PDIA4: variants seen among roughly 807,000 people sequenced by gnomAD.
PDIA4 encodes the protein protein disulfide isomerase family A member 4, also known as protein disulfide-isomerase A4.
A neutral mutation model predicts 62.1 loss-of-function variants in PDIA4; 33 were observed. The ratio of observed to expected loss-of-function variants is 0.53; its 90% CI spans 0.40 to 0.71. PDIA4 has a LOEUF of 0.71. PDIA4 is among the 30% of genes least tolerant of loss of function. PDIA4 has a pLI of 0.00. For missense variants in PDIA4, 804 were observed against 813.6 expected, an observed-to-expected ratio of 0.99 and a Z score of 0.14; for synonymous variants, 341 against 324.1, an observed-to-expected ratio of 1.05 and a Z score of -0.56.
At chr7:149,013,866 G>A (rs574430582) in intron 4 of PDIA4, among the ~76,000 whole-genome samples, 1 of 152,246 alleles carries the variant, frequency 6.6e-6, no homozygotes, top group East Asian at 1.9e-4. Flanking sequence ...CCTGGCTCCT[G>A]AGCGAGCCAC....
At chr7:149,017,977 C>T (rs977322410) in intron 3 of PDIA4, among the ~76,000 whole-genome samples, 1 of 152,168 alleles carries the variant, frequency 6.6e-6, no homozygotes, top group Non-Finnish European at 1.5e-5. Context: ...CGCCTGTAAT[C>T]CCAGCACTTT....
chr7:149,019,925 CTT>C (rs1232988664), intron 2 of PDIA4, among the ~76,000 whole-genome samples: 1 of 152,126 alleles, frequency 6.6e-6, no homozygotes, highest in Non-Finnish European at 1.5e-5. Context: ...GTTAAGGTCT[CTT>C]TGAACTAAAA....
At chr7:149,006,965 A>C (rs1823779291) in intron 7 of PDIA4, among the ~76,000 whole-genome samples, 1 of 152,188 alleles carries the variant, frequency 6.6e-6, no homozygotes, top group Non-Finnish European at 1.5e-5. Context: ...CCTTTCCTGG[A>C]ATATGCACTC....
At chr7:149,028,282 C>A (rs1489717004) in intron 1 of PDIA4, 39 bp downstream of exon 1, 1 of 1,452,788 alleles carries the variant, frequency 6.9e-7, no homozygotes, top group South Asian at 1.2e-5. Context: ...CTGCAGCCCC[C>A]GCAAGCACAG....
In PDIA4 at chr7:149,008,192, C is replaced by A. The variant is rs753141489; in HGVS notation, c.1098G>T (p.Lys366Asn). 1 of 1,614,078 alleles carries A rather than the reference C, an allele frequency of 6.2e-7. No homozygotes were observed. The highest frequency in any genetic ancestry group is 1.1e-5 in the South Asian group (1 of 91,058). The change falls in exon 7 of 10, where the codon AAG (lysine) becomes AAT (asparagine). Residue 366 changes from lysine (K) to asparagine (N), a missense_variant. Coordinates refer to ENST00000652332, the MANE Select transcript of PDIA4 (RefSeq NM_004911.5). The stretch of plus-strand genomic sequence containing the variant: ...CCATCATGTGGCTCCGGGGCTCATA[C>A]TTGGACTGGAATTTCTCAGGCTGCA... ...VVMQPEKFQSKYEPRSHMMDV... is the reference protein window; with the variant it reads ...VVMQPEKFQSNYEPRSHMMDV...
chr7:149,027,894 G>T, intron 1 of PDIA4: 1 of 481,310 alleles, frequency 2.1e-6, no homozygotes, highest in Non-Finnish European at 4.3e-6. Context: ...ACTCGCACTT[G>T]TTTCTTCACG....
At chr7:149,018,723 T>TG (rs1458016144) in intron 3 of PDIA4, among the ~76,000 whole-genome samples, 2 of 152,036 alleles carry the variant, frequency 1.3e-5, no homozygotes, top group African/African-American at 4.8e-5. Flanking sequence ...TGAGCCACCA[T>TG]GTCTGGCCCA....
rs560978216 is a variant in PDIA4, at chr7:149,014,829, C to T, written c.614+75G>A. Reference sequence around the variant, plus strand: ...TTGCTCCTCTGCTGTTCCTGCCTCACGGGCAGGGGCCTGCCACCCCGCACC... The same window carrying T: ...TTGCTCCTCTGCTGTTCCTGCCTCATGGGCAGGGGCCTGCCACCCCGCACC... On this transcript the variant is annotated intron_variant, in intron 4 of 9. Coordinates refer to ENST00000652332, the MANE Select transcript of PDIA4 (RefSeq NM_004911.5). 7.8e-5 allele frequency: 111 copies of T among 1,430,058 alleles called. No homozygotes were observed. The South Asian group carries it at 1.2e-3, about 15-fold the overall frequency. 88.6% of individuals were successfully genotyped at this position (1,430,058 alleles called of 1,614,324 possible).
rs543909605 is a variant in PDIA4, at chr7:149,027,317, G to T, written c.88+1004C>A. On this transcript the variant is annotated intron_variant, in intron 1 of 9. Transcript: ENST00000652332. ...GCAGGTGTTTTTCTCGCCGAGTGTGGGTTTTTACTTCCTTTTCTATTTGGG... is the reference window on the plus strand; with the variant it reads ...GCAGGTGTTTTTCTCGCCGAGTGTGTGTTTTTACTTCCTTTTCTATTTGGG... Among the ~76,000 whole-genome samples, 3 of 152,222 alleles carry T rather than the reference G, an allele frequency of 2.0e-5. No individual in the cohort carries two copies. In the East Asian group the frequency reaches 5.8e-4, roughly 29 times the overall value.
chr7:149,012,356 C>T lies in PDIA4; in HGVS notation c.619G>A (p.Gly207Arg). The T allele has an allele frequency of 6.2e-7, 1 of 1,612,564 alleles. No individual in the cohort carries two copies. The highest frequency in any genetic ancestry group is 2.2e-5 in the East Asian group (1 of 44,872). Residue 207 changes from glycine (G) to arginine (R), a missense_variant, in exon 5 of 10, where the codon GGA (glycine) becomes AGA (arginine). Coordinates refer to ENST00000652332, the MANE Select transcript of PDIA4 (RefSeq NM_004911.5). ...TCGGGGGCAAGTTTCTTGCAGTGTC[C>T]ACACCTGCCAAGAGGAAACTGGTTT... ...ILVEFYAPWC[G>R]HCKKLAPEYE...
chr7:149,024,033 G>A (rs541725165), intron 1 of PDIA4, among the ~76,000 whole-genome samples: 1 of 152,302 alleles, frequency 6.6e-6, no homozygotes, highest in East Asian at 1.9e-4. Flanking sequence ...GATCATCTGA[G>A]GTCAGGAGTT....
At chr7:149,012,393 A>C in intron 4 of PDIA4, 33 bp from the exon 5 acceptor site, 3 of 1,572,298 alleles carry the variant, frequency 1.9e-6, no homozygotes, top group Non-Finnish European at 2.6e-6. Context: ...TCAGGGGCTC[A>C]TTCTAGTGTG....
intron 6 of PDIA4, 114 bp from the exon 7 acceptor site, chr7:149,008,424 G>A: frequency 1.9e-6 from 2 of 1,077,574 alleles, no homozygotes. Context: ...CTGTAGGCTG[G>A]GCGCGGTGGC....
intron 2 of PDIA4, among the ~76,000 whole-genome samples, chr7:149,019,436 A>G (rs1364079014): frequency 2.6e-5 from 4 of 152,192 alleles, no homozygotes; most frequent in South Asian, 2.1e-4. Flanking sequence ...AGAGCTTGAC[A>G]TGGCCGGGTG....
rs184146321 is a variant in PDIA4, at chr7:149,008,995, G to A, written c.980-685C>T. Among the ~76,000 whole-genome samples the A allele has an allele frequency of 5.2e-4, 79 of 151,938 alleles. 1 individual carries two copies. Among genetic ancestry groups the A allele is most frequent in the Middle Eastern group, 3.4e-3 (1 of 294 alleles). ...GGCTGGAGTGAAGTGGCGTGATTTCGGCTCACTGCAGTCTCTGTTTTCCAA... is the reference window on the plus strand; with the variant it reads ...GGCTGGAGTGAAGTGGCGTGATTTCAGCTCACTGCAGTCTCTGTTTTCCAA... On this transcript the variant is annotated intron_variant, in intron 6 of 9. Coordinates refer to ENST00000652332, the MANE Select transcript of PDIA4 (RefSeq NM_004911.5).
At chr7:149,013,163 G>T (rs1279531475) in intron 4 of PDIA4, among the ~76,000 whole-genome samples, 1 of 152,110 alleles carries the variant, frequency 6.6e-6, no homozygotes, top group Non-Finnish European at 1.5e-5. Context: ...CAGGAGTATC[G>T]CTTGAACCCA....
Position 149,005,180 on chromosome 7 carries a change from A to T in PDIA4, c.1483T>A (p.Ser495Thr). ...GTGACAAACTCGCGGAGGGTGTCAG[A>T]GTCAAACTCCTCTGGCTCCATGGCG... Reference protein sequence around the residue: ...KFAMEPEEFDSDTLREFVTAF... With the variant: ...KFAMEPEEFDTDTLREFVTAF... The change falls in exon 9 of 10, where the codon TCT becomes ACT. Residue 495 changes from serine to threonine, a missense_variant. Coordinates refer to ENST00000652332, the MANE Select transcript of PDIA4 (RefSeq NM_004911.5). 1 of 1,614,054 alleles carries T rather than the reference A, an allele frequency of 6.2e-7. No homozygotes were observed. The highest frequency in any genetic ancestry group is 8.5e-7 in the Non-Finnish European group (1 of 1,179,936).
chr7:149,026,561 G>A (rs1366882231), intron 1 of PDIA4, among the ~76,000 whole-genome samples: 1 of 151,978 alleles, frequency 6.6e-6, no homozygotes, highest in Non-Finnish European at 1.5e-5. Flanking sequence ...GGAGAAAGGA[G>A]AATCACTTGA....
chr7:149,022,997 G>A (rs1158615237), intron 1 of PDIA4, among the ~76,000 whole-genome samples: 1 of 152,150 alleles, frequency 6.6e-6, no homozygotes, highest in African/African-American at 2.4e-5. Flanking sequence ...CTCTTTTGTC[G>A]GAGGAGGGAG....
Sources: allele counts gnomAD v4.1 joint callset (sites outside exome capture counted in the v4.1 genomes callset), GRCh38; gene constraint gnomAD v4.1.1; transcripts MANE v1.5; gene names NCBI Gene and HGNC (gene_info 2026-07-23, HGNC 2026-07-21).